The following FAM135B variants were observed in gnomAD, a reference collection of about 807,000 sequenced individuals.
FAM135B encodes the protein family with sequence similarity 135 member B.
In FAM135B, 43 loss-of-function variants were observed where a neutral mutation model predicts 127.7. The observed-to-expected ratio is 0.34, with a 90% CI of 0.26 to 0.43. FAM135B has a LOEUF of 0.43. Ranked by LOEUF, FAM135B falls within the 20% of genes least tolerant of loss-of-function variation. The pLI is 1.00. For missense variants in FAM135B, 1,558 were observed against 1,725.6 expected (o/e 0.90, Z 1.72); for synonymous variants, 670 against 665.1 (o/e 1.01, Z -0.11).
chr8:138,464,158 C>A (rs949983427), intron 1 of FAM135B, among the ~76,000 whole-genome samples: 1 of 152,176 alleles, frequency 6.6e-6, no homozygotes, highest in Non-Finnish European at 1.5e-5. Context: ...GCATACCACC[C>A]TAGACCTTAA....
At chr8:138,457,087 G>A (rs1459730521) in intron 1 of FAM135B, among the ~76,000 whole-genome samples, 1 of 120,170 alleles carries the variant, frequency 8.3e-6, no homozygotes, top group African/African-American at 2.7e-5. Context: ...TAGGCAAAAT[G>A]CCTCTAGAAA....
intron 1 of FAM135B, among the ~76,000 whole-genome samples, chr8:138,417,130 A>C (rs34764238): frequency 0.13 from 19,289 of 152,168 alleles, 1,959 homozygotes; most frequent in East Asian, 0.45. Context: ...CTAGGCTCAC[A>C]ATACCCCTCT....
chr8:138,160,376 T>C (rs1313786143), intron 12 of FAM135B, among the ~76,000 whole-genome samples: 1 of 151,038 alleles, frequency 6.6e-6, no homozygotes, highest in Non-Finnish European at 1.5e-5. Context: ...TCTGGTTTTA[T>C]TTATTTATTT....
At chr8:138,270,019 T>C (rs1056349231) in intron 3 of FAM135B, among the ~76,000 whole-genome samples, 1 of 152,158 alleles carries the variant, frequency 6.6e-6, no homozygotes, top group Admixed American at 6.5e-5. Flanking sequence ...AAGGTATTCA[T>C]TGTTTTTCCA....
chr8:138,291,115 A>T (rs993814004), intron 3 of FAM135B, among the ~76,000 whole-genome samples: 1 of 152,212 alleles, frequency 6.6e-6, no homozygotes, highest in Non-Finnish European at 1.5e-5. Flanking sequence ...GAAACTTTTC[A>T]AAAACACCAC....
In FAM135B at chr8:138,197,024, G is replaced by T. The variant is rs150385198; in HGVS notation, c.823+492C>A. Among the ~76,000 whole-genome samples, 71 of 151,806 alleles carry T rather than the reference G, an allele frequency of 4.7e-4. No homozygotes were observed. In the Middle Eastern group the frequency reaches 0.01, roughly 22 times the overall value. On this transcript the variant is annotated intron_variant, in intron 8 of 19. Transcript: ENST00000395297. ...TGATCCCCAGATAACCAAATGTAAT[G>T]GATACTAAGAAGTTTCTATAATCAT...
chr8:138,479,897 A>C (rs909240794), intron 1 of FAM135B, among the ~76,000 whole-genome samples: 1 of 152,188 alleles, frequency 6.6e-6, no homozygotes, highest in African/African-American at 2.4e-5. Flanking sequence ...ATCCCTGTGC[A>C]CCTAATTTTC....
chr8:138,226,795 C>G (rs1415666263), intron 7 of FAM135B, among the ~76,000 whole-genome samples: 1 of 152,210 alleles, frequency 6.6e-6, no homozygotes, highest in Non-Finnish European at 1.5e-5. Context: ...CTCCTAACCT[C>G]AAGTGATCTG....
chr8:138,299,556 C>T (rs557231582), intron 3 of FAM135B, among the ~76,000 whole-genome samples: 6 of 150,028 alleles, frequency 4.0e-5, no homozygotes, highest in East Asian at 2.0e-4. Context: ...GGTTGAGATA[C>T]GCATGCATGT....
chr8:138,391,552 C>A (rs1318754200), intron 1 of FAM135B, among the ~76,000 whole-genome samples: 1 of 152,160 alleles, frequency 6.6e-6, no homozygotes, highest in Non-Finnish European at 1.5e-5. Flanking sequence ...GCACCTACTT[C>A]TCCCTCCAGA....
At chr8:138,204,186 C>A (rs1179172028) in intron 7 of FAM135B, among the ~76,000 whole-genome samples, 2 of 152,216 alleles carry the variant, frequency 1.3e-5, no homozygotes, top group East Asian at 3.9e-4. Context: ...CACCTGCTAT[C>A]TCTTGTTTTC....
chr8:138,206,799 A>G (rs1817708239), intron 7 of FAM135B, among the ~76,000 whole-genome samples: 1 of 149,392 alleles, frequency 6.7e-6, no homozygotes. Flanking sequence ...ACACAACTCT[A>G]TCATCCCCTC....
intron 4 of FAM135B, among the ~76,000 whole-genome samples, chr8:138,259,237 T>A (rs1445618865): frequency 2.0e-5 from 3 of 152,162 alleles, no homozygotes; most frequent in Non-Finnish European, 4.4e-5. Context: ...TTTCAACTCA[T>A]AATGGTGACT....
chr8:138,214,071 C>T (rs1818353954), intron 7 of FAM135B, among the ~76,000 whole-genome samples: 1 of 152,152 alleles, frequency 6.6e-6, no homozygotes, highest in South Asian at 2.1e-4. Flanking sequence ...GTCTCCCATC[C>T]CAACACAACT....
chr8:138,473,649 T>C, intron 1 of FAM135B, among the ~76,000 whole-genome samples: 1 of 152,202 alleles, frequency 6.6e-6, no homozygotes, highest in Non-Finnish European at 1.5e-5. Flanking sequence ...AAAGGCTCTC[T>C]AGATGCTAAA....
chr8:138,491,054 T>C (rs1815172727), intron 1 of FAM135B, among the ~76,000 whole-genome samples: 1 of 149,198 alleles, frequency 6.7e-6, no homozygotes, highest in African/African-American at 2.5e-5. Context: ...GGCAGGAGAA[T>C]CGCTTCAACC....
intron 7 of FAM135B, among the ~76,000 whole-genome samples, chr8:138,207,114 C>T (rs1158954736): frequency 2.6e-5 from 4 of 152,126 alleles, no homozygotes; most frequent in South Asian, 2.1e-4. Context: ...TGTTGTATTA[C>T]TGTGTCCCTC....
chr8:138,273,169 G>C lies in FAM135B; in HGVS notation c.158-7327C>G, dbSNP rs1823518066. ...AGAATTTTACCAGATATTAGTAGAAGTCTCAGTGGAAGTGAGGAGTGGAAA... is the reference window on the plus strand; with the variant it reads ...AGAATTTTACCAGATATTAGTAGAACTCTCAGTGGAAGTGAGGAGTGGAAA... On this transcript the variant is annotated intron_variant, in intron 3 of 19. Transcript: ENST00000395297. 2.6e-5 allele frequency among the ~76,000 whole-genome samples: 4 copies of C among 152,318 alleles called. No individual in the cohort carries two copies. The Middle Eastern group carries it at 0.01, about 389-fold the overall frequency.
At chr8:138,202,698 C>G (rs1193977105) in intron 7 of FAM135B, among the ~76,000 whole-genome samples, 1 of 152,206 alleles carries the variant, frequency 6.6e-6, no homozygotes, top group Admixed American at 6.5e-5. Flanking sequence ...TGAGATTATT[C>G]CAGCAAAATG....
Sources: gnomAD v4.1 joint callset for allele counts (sites outside exome capture counted in the v4.1 genomes callset) on GRCh38, gnomAD v4.1.1 for gene constraint, MANE v1.5 for transcripts, NCBI Gene and HGNC (gene_info 2026-07-23, HGNC 2026-07-21) for gene names.